The following SGCE variants were observed in gnomAD, a reference collection of about 807,000 sequenced individuals.
SGCE encodes the protein epsilon-sarcoglycan.
Under a neutral mutation model 57.8 loss-of-function variants are expected in SGCE, and 26 were observed. The ratio of observed to expected loss-of-function variants is 0.45; its 90% CI spans 0.33 to 0.62. The LOEUF (loss-of-function observed/expected upper bound fraction) is 0.62, where lower values mean the gene tolerates loss of function less well. SGCE is among the 20% of genes least tolerant of loss of function. The pLI, the probability that SGCE is intolerant of heterozygous loss-of-function variation, is 0.02. For missense variants in SGCE, 468 were observed against 548.6 expected (o/e 0.85, Z 1.47); for synonymous variants, 183 against 189.5 (o/e 0.97, Z 0.28).
At chr7:94,599,612 G>T in intron 8 of SGCE, 85 bp downstream of exon 8, 2 of 1,023,884 alleles carry the variant, frequency 2.0e-6, no homozygotes, top group Non-Finnish European at 3.1e-6. Flanking sequence ...ATGAAAAAAA[G>T]CTTGACACAC....
At chr7:94,639,569 T>C in intron 1 of SGCE, 3 of 631,414 alleles carry the variant, frequency 4.8e-6, no homozygotes, top group South Asian at 3.9e-5. Context: ...GCTAACTGTT[T>C]AATTCTAGTC....
At chr7:94,631,840 A>G (rs1322478844) in intron 1 of SGCE, among the ~76,000 whole-genome samples, 1 of 152,040 alleles carries the variant, frequency 6.6e-6, no homozygotes, top group Non-Finnish European at 1.5e-5. Flanking sequence ...AGCAGAGAAC[A>G]TTACAAATAA....
At chr7:94,653,024 T>A (rs1337895583) in intron 1 of SGCE, among the ~76,000 whole-genome samples, 1 of 152,212 alleles carries the variant, frequency 6.6e-6, no homozygotes, top group Non-Finnish European at 1.5e-5. Context: ...CATAGATCTA[T>A]AGCAAATTGT....
intron 9 of SGCE, among the ~76,000 whole-genome samples, chr7:94,591,905 T>C (rs2116604232): frequency 6.6e-6 from 1 of 152,316 alleles, no homozygotes. Context: ...AAAGTATCCA[T>C]AGTGGGTGTT....
chr7:94,629,930 G>T, intron 1 of SGCE, 89 bp from the exon 2 acceptor site: 1 of 1,456,404 alleles, frequency 6.9e-7, no homozygotes, highest in Non-Finnish European at 9.5e-7. Flanking sequence ...ATAAAGAGGG[G>T]TCTCACTATG....
intron 9 of SGCE, among the ~76,000 whole-genome samples, chr7:94,593,212 CA>C (rs1189648748): frequency 6.6e-6 from 1 of 151,990 alleles, no homozygotes; most frequent in Non-Finnish European, 1.5e-5. Flanking sequence ...TGTTAATTTT[CA>C]AAAGATTAAG....
chr7:94,604,302 A>T lies in SGCE; in HGVS notation c.663-850T>A, dbSNP rs892853522. The stretch of plus-strand genomic sequence containing the variant: ...TCATAATGACAATGCTAGGAAAAAA[A>T]TGACAATGTAAAATGAAGTAAAACC... On this transcript the variant is annotated intron_variant, in intron 5 of 10. Coordinates refer to ENST00000648936, the MANE Select transcript of SGCE (RefSeq NM_003919.3). Among the ~76,000 whole-genome samples, 5 of 152,112 alleles carry T rather than the reference A, an allele frequency of 3.3e-5. No homozygotes were observed. The East Asian group carries it at 9.6e-4, about 29-fold the overall frequency.
chr7:94,649,606 G>C (rs1482366449), intron 1 of SGCE, among the ~76,000 whole-genome samples: 2 of 152,200 alleles, frequency 1.3e-5, no homozygotes, highest in Admixed American at 6.5e-5. Context: ...TTCAACAACA[G>C]GGATGCAAGC....
At chr7:94,632,585 C>T (rs973966021) in intron 1 of SGCE, among the ~76,000 whole-genome samples, 6 of 152,094 alleles carry the variant, frequency 3.9e-5, no homozygotes, top group Admixed American at 3.9e-4. Context: ...AGATGTATGA[C>T]ACATTCATCA....
In SGCE at chr7:94,599,707, G is replaced by T. The variant is rs1562803158; in HGVS notation, c.1054C>A (p.Gln352Lys). ...RREGVEKRNM[Q>K]TPDIQLVHHS... Reference sequence around the variant, plus strand: ...AAAGAAGACACTTACTCTGGTGTTTGCATGTTTCTCTTTTCCCTAGAAACA... The same window carrying T: ...AAAGAAGACACTTACTCTGGTGTTTTCATGTTTCTCTTTTCCCTAGAAACA... Residue 352 changes from glutamine (Q) to lysine (K), a missense_variant, in exon 8 of 11, where the codon CAA (glutamine) becomes AAA (lysine). By Grantham distance (53) the Gln-to-Lys change is moderately conservative. Coordinates refer to ENST00000648936, the MANE Select transcript of SGCE (RefSeq NM_003919.3). 2 of 1,608,852 alleles carry T rather than the reference G, an allele frequency of 1.2e-6. No individual in the cohort carries two copies. Among genetic ancestry groups the T allele is most frequent in the Non-Finnish European group, 1.7e-6 (2 of 1,175,652 alleles).
chr7:94,632,168 A>G (rs1804817173), intron 1 of SGCE, among the ~76,000 whole-genome samples: 1 of 151,976 alleles, frequency 6.6e-6, no homozygotes, highest in Non-Finnish European at 1.5e-5. Context: ...ATTTGCTGCT[A>G]TAAGGTGGTA....
At chr7:94,613,485 A>T (rs978679692) in intron 5 of SGCE, among the ~76,000 whole-genome samples, 1 of 152,146 alleles carries the variant, frequency 6.6e-6, no homozygotes, top group Admixed American at 6.6e-5. Context: ...GCTCTCAATG[A>T]ATGCTAACAA....
Position 94,607,855 on chromosome 7 carries a change from T to C in SGCE, c.663-4403A>G, listed in dbSNP as rs1228504998. ...AAATACTGTCTTTCTTTGCAGATGA[T>C]ATGATTCAAAAGAATTGATTAAAAA... On this transcript the variant is annotated intron_variant, in intron 5 of 10. Transcript: ENST00000648936. Among the ~76,000 whole-genome samples, 6 of 152,192 alleles carry C rather than the reference T, an allele frequency of 3.9e-5. No homozygotes were observed. In the East Asian group the frequency reaches 1.2e-3, roughly 29 times the overall value.
In SGCE at chr7:94,628,272, G is replaced by A. The variant is rs759877587; in HGVS notation, c.320C>T (p.Thr107Ile). The A allele has an allele frequency of 2.5e-6, 4 of 1,611,232 alleles. No individual in the cohort carries two copies. The Admixed American group carries it at 6.7e-5, about 27-fold the overall frequency. ...RPGWLRYIQR[T>I]PYSDGVLYGS... ...ATATAGGACTCCATCACTATATGGT[G>A]TCCTTTGGATATATCGAAGCCATCC... is the stretch of plus-strand genomic sequence containing the variant. The change falls in exon 3 of 11, where the codon ACA (threonine) becomes ATA (isoleucine). Residue 107 changes from threonine (T) to isoleucine (I), a missense_variant. By Grantham distance (89) the Thr-to-Ile change is moderately conservative. Coordinates refer to ENST00000648936, the MANE Select transcript of SGCE (RefSeq NM_003919.3).
chr7:94,645,995 A>G (rs1228518711), intron 1 of SGCE, among the ~76,000 whole-genome samples: 1 of 152,196 alleles, frequency 6.6e-6, no homozygotes, highest in African/African-American at 2.4e-5. Flanking sequence ...GATATTCTAT[A>G]GAAATATATA....
At chr7:94,649,623 A>G (rs1807609632) in intron 1 of SGCE, among the ~76,000 whole-genome samples, 1 of 152,232 alleles carries the variant, frequency 6.6e-6, no homozygotes, top group Non-Finnish European at 1.5e-5. Context: ...AAGCCATCTC[A>G]AACTGCTGTT....
intron 1 of SGCE, among the ~76,000 whole-genome samples, chr7:94,637,782 A>G (rs532489706): frequency 1.5e-4 from 23 of 152,296 alleles, no homozygotes; most frequent in Non-Finnish European, 2.9e-5. Flanking sequence ...GGAAAGACTG[A>G]AGAAAAGGGA....
chr7:94,626,433 T>C (rs1243887671), intron 3 of SGCE: 4 of 152,062 alleles, frequency 2.6e-5, no homozygotes, highest in African/African-American at 9.7e-5. Flanking sequence ...CTACCTAGAC[T>C]TGAGACCTGG....
At chr7:94,646,223 A>G (rs1807051477) in intron 1 of SGCE, among the ~76,000 whole-genome samples, 1 of 152,242 alleles carries the variant, frequency 6.6e-6, no homozygotes, top group South Asian at 2.1e-4. Context: ...AAGCTTTTAG[A>G]TATTTATTCA....
Sources: allele counts gnomAD v4.1 joint callset (sites outside exome capture counted in the v4.1 genomes callset), GRCh38; gene constraint gnomAD v4.1.1; transcripts MANE v1.5; gene names NCBI Gene and HGNC (gene_info 2026-07-23, HGNC 2026-07-21).